Variants in PIGU observed in about 807,000 individuals in gnomAD.
PIGU encodes the protein phosphatidylinositol glycan anchor biosynthesis class U, also known as GPI-anchor transamidase component PIGU.
A neutral mutation model predicts 49.9 loss-of-function variants in PIGU; 24 were observed. The ratio of observed to expected loss-of-function variants is 0.48; its 90% confidence interval spans 0.35 to 0.68. PIGU has a LOEUF of 0.68. Ranked by LOEUF, PIGU falls within the 30% of genes least tolerant of loss-of-function variation. PIGU has a pLI of 0.01. For missense variants in PIGU, 490 were observed against 532.6 expected (o/e 0.92, Z 0.79); for synonymous variants, 220 against 205.7 (o/e 1.07, Z -0.59).
intron 1 of PIGU, among the ~76,000 whole-genome samples, chr20:34,661,769 T>G (rs1014104448): frequency 6.6e-6 from 1 of 152,202 alleles, no homozygotes; most frequent in African/African-American, 2.4e-5. Flanking sequence ...AGTTCTGTTT[T>G]AGGATCTTTG....
At position 34,673,844 on chromosome 20, in the gene PIGU, G is replaced by A. The variant is rs1021922624; in HGVS notation, c.130+3112C>T. Among the ~76,000 whole-genome samples the A allele has an allele frequency of 1.6e-4, 25 of 152,050 alleles. 1 individual carries two copies. Among genetic ancestry groups the A allele is most frequent in the African/African-American group, 6.0e-4 (25 of 41,394 alleles). ...CCAAGGCGGGCGGATCACGAGGTCA[G>A]GAGATCAAGACCAGCCTGGCTAATA... On this transcript the variant is annotated intron_variant, in intron 1 of 11. Transcript: ENST00000217446.
intron 10 of PIGU, among the ~76,000 whole-genome samples, chr20:34,578,032 T>A (rs1983310127): frequency 6.6e-6 from 1 of 152,214 alleles, no homozygotes; most frequent in African/African-American, 2.4e-5. Context: ...ATTTTGTTGT[T>A]GTCATTAAAA....
chr20:34,602,601 A>C (rs956352238), intron 7 of PIGU, among the ~76,000 whole-genome samples: 55 of 152,346 alleles, frequency 3.6e-4, no homozygotes, highest in Non-Finnish European at 1.6e-4. Context: ...CATCTTAAAA[A>C]ACAAACAAAA....
chr20:34,628,013 T>C lies in PIGU; in HGVS notation c.529+6602A>G, dbSNP rs147750381. Among the ~76,000 whole-genome samples, 6 of 152,312 alleles carry C rather than the reference T, an allele frequency of 3.9e-5. No individual in the cohort carries two copies. The East Asian group carries it at 1.2e-3, about 29-fold the overall frequency. ...GCATTCCAAGAGAAACAATCTCTTATAAAGACCTAAGGCATCCTCGGGTGC... is the reference window on the plus strand; with the variant it reads ...GCATTCCAAGAGAAACAATCTCTTACAAAGACCTAAGGCATCCTCGGGTGC... On this transcript the variant is annotated intron_variant, in intron 6 of 11. Transcript: ENST00000217446.
chr20:34,603,514 T>C (rs1033230737), intron 7 of PIGU, among the ~76,000 whole-genome samples: 1 of 152,190 alleles, frequency 6.6e-6, no homozygotes. Context: ...TTTAGTAACA[T>C]TATGAGTGCC....
At chr20:34,653,258 C>T (rs1986598760) in intron 2 of PIGU, among the ~76,000 whole-genome samples, 1 of 152,200 alleles carries the variant, frequency 6.6e-6, no homozygotes, top group Non-Finnish European at 1.5e-5. Context: ...CGTGAGCCAC[C>T]ATGTCTGACC....
chr20:34,580,869 G>T (rs1388184074), intron 10 of PIGU, among the ~76,000 whole-genome samples: 1 of 152,170 alleles, frequency 6.6e-6, no homozygotes, highest in Non-Finnish European at 1.5e-5. Context: ...CCTCTGAAGA[G>T]GGGATGGTTA....
chr20:34,645,473 C>A, intron 2 of PIGU, 139 bp from the exon 3 acceptor site: 1 of 1,205,242 alleles, frequency 8.3e-7, no homozygotes, highest in Non-Finnish European at 1.1e-6. Context: ...TACTGTTCTA[C>A]GCCAGCTGGC....
At chr20:34,641,398 A>C (rs1179632408) in intron 4 of PIGU, among the ~76,000 whole-genome samples, 2 of 152,208 alleles carry the variant, frequency 1.3e-5, no homozygotes, top group African/African-American at 2.4e-5. Context: ...AATCATATTA[A>C]GGGGACACAG....
chr20:34,661,356 C>T (rs1327012000), intron 1 of PIGU, among the ~76,000 whole-genome samples: 1 of 152,108 alleles, frequency 6.6e-6, no homozygotes, highest in African/African-American at 2.4e-5. Flanking sequence ...CATCTTCACC[C>T]TCCTCCCACC....
intron 6 of PIGU, among the ~76,000 whole-genome samples, chr20:34,623,078 G>GT (rs1985307758): frequency 6.6e-6 from 1 of 152,136 alleles, no homozygotes; most frequent in Non-Finnish European, 1.5e-5. Context: ...ATGTAATGAG[G>GT]TGGGGCCATG....
chr20:34,658,247 G>C (rs571122437), intron 1 of PIGU, among the ~76,000 whole-genome samples: 3 of 152,298 alleles, frequency 2.0e-5, no homozygotes, highest in East Asian at 3.9e-4. Flanking sequence ...CGCCAACCTC[G>C]GCCTCCCGAG....
chr20:34,601,977 C>T (rs1385472612), intron 7 of PIGU, among the ~76,000 whole-genome samples: 1 of 152,188 alleles, frequency 6.6e-6, no homozygotes, highest in Non-Finnish European at 1.5e-5. Flanking sequence ...TGACTTAAAA[C>T]GTGTATGTAA....
chr20:34,641,460 G>C (rs914869798), intron 4 of PIGU, among the ~76,000 whole-genome samples: 1 of 152,150 alleles, frequency 6.6e-6, no homozygotes, highest in Non-Finnish European at 1.5e-5. Context: ...CATAAATTCT[G>C]AGTTCCAAAC....
chr20:34,626,703 C>T (rs1424078840), intron 6 of PIGU, among the ~76,000 whole-genome samples: 1 of 152,132 alleles, frequency 6.6e-6, no homozygotes, highest in Non-Finnish European at 1.5e-5. Context: ...TTTGCCAGAA[C>T]TGAGAATTAG....
intron 2 of PIGU, among the ~76,000 whole-genome samples, chr20:34,649,054 A>G (rs1986445866): frequency 6.6e-6 from 1 of 152,080 alleles, no homozygotes; most frequent in African/African-American, 2.4e-5. Flanking sequence ...TTTTTAGTAG[A>G]GATGGGGTTT....
At chr20:34,676,068 A>C (rs6088567) in intron 1 of PIGU, among the ~76,000 whole-genome samples, 1 of 149,822 alleles carries the variant, frequency 6.7e-6, no homozygotes, top group Admixed American at 6.7e-5. Flanking sequence ...TTAATCATCA[A>C]ACTCTGGCCT....
In PIGU at chr20:34,614,167, C is replaced by T. The variant is rs113908619; in HGVS notation, c.627+1875G>A. Among the ~76,000 whole-genome samples, 297 of 152,102 alleles carry T rather than the reference C, an allele frequency of 2.0e-3. 2 individuals are homozygous for T. Among genetic ancestry groups the T allele is most frequent in the African/African-American group, 6.2e-3 (259 of 41,484 alleles). ...CAAAAATTAGCTGGGTGTGGTGGTG[C>T]ATGCCTGCAGTCCCAGTTACTTGGG... On this transcript the variant is annotated intron_variant, in intron 7 of 11. Transcript: ENST00000217446.
intron 1 of PIGU, among the ~76,000 whole-genome samples, chr20:34,673,852 A>G (rs564977436): frequency 2.6e-5 from 4 of 151,938 alleles, no homozygotes; most frequent in Admixed American, 1.3e-4. Flanking sequence ...CAGGAGATCA[A>G]GACCAGCCTG....
Sources: allele counts gnomAD v4.1 joint callset (sites outside exome capture counted in the v4.1 genomes callset), GRCh38; gene constraint gnomAD v4.1.1; transcripts MANE v1.5; gene names NCBI Gene and HGNC (gene_info 2026-07-23, HGNC 2026-07-21).